Variants in FSTL4 observed in about 807,000 individuals in gnomAD.
FSTL4 encodes the protein follistatin-related protein 4.
FSTL4 carries 28 observed loss-of-function variants against 78.2 expected under a neutral mutation model. The ratio of observed to expected loss-of-function variants is 0.36; its 90% CI spans 0.27 to 0.49. FSTL4 has a LOEUF of 0.49. Ranked by LOEUF, FSTL4 falls within the 20% of genes least tolerant of loss-of-function variation. The pLI, the probability that FSTL4 is intolerant of heterozygous loss-of-function variation, is 0.98. For missense variants in FSTL4, 922 were observed against 1,084.9 expected (o/e 0.85, Z 2.11); for synonymous variants, 422 against 440.5 (o/e 0.96, Z 0.53).
At chr5:133,768,281 C>T in the FSTL4 span, among the ~76,000 whole-genome samples, 1 of 152,178 alleles carries the variant, frequency 6.6e-6, no homozygotes, top group Non-Finnish European at 1.5e-5. Flanking sequence ...ATGTCCTGAA[C>T]CTCAAGTGTA....
chr5:133,652,348 A>G, the FSTL4 span, among the ~76,000 whole-genome samples: 33,083 of 152,028 alleles, frequency 0.22, 3,820 homozygotes, highest in Admixed American at 0.29. Flanking sequence ...TTAGCTGAAT[A>G]ACTTCAGATC....
chr5:133,301,506 G>A (rs1044010500), intron 6 of FSTL4, among the ~76,000 whole-genome samples: 2 of 152,132 alleles, frequency 1.3e-5, no homozygotes, highest in African/African-American at 4.8e-5. Context: ...GCCCAGAGAC[G>A]CCACCCAGAT....
At chr5:133,658,212 T>C in the FSTL4 span, among the ~76,000 whole-genome samples, 4 of 152,316 alleles carry the variant, frequency 2.6e-5, no homozygotes, top group East Asian at 5.8e-4. Context: ...TCTATGTTCA[T>C]AGGAAATTGA....
At chr5:133,651,302 T>A in the FSTL4 span, among the ~76,000 whole-genome samples, 4 of 152,200 alleles carry the variant, frequency 2.6e-5, no homozygotes, top group South Asian at 8.3e-4. Context: ...GGGACATCCT[T>A]GCCTTGTTTA....
chr5:133,292,113 C>T (rs1162159064), intron 6 of FSTL4, among the ~76,000 whole-genome samples: 2 of 152,152 alleles, frequency 1.3e-5, no homozygotes, highest in Non-Finnish European at 2.9e-5. Flanking sequence ...AGACCAAGGG[C>T]AGACCCTTGG....
the FSTL4 span, among the ~76,000 whole-genome samples, chr5:133,686,951 G>A: frequency 5.9e-5 from 9 of 152,230 alleles, no homozygotes; most frequent in African/African-American, 1.4e-4. Context: ...GTGGGAAGAA[G>A]CAAAGGCTTA....
intron 3 of FSTL4, among the ~76,000 whole-genome samples, chr5:133,478,083 T>C (rs193292428): frequency 1.3e-5 from 2 of 152,316 alleles, no homozygotes; most frequent in African/African-American, 4.8e-5. Context: ...AGGAGGCAAA[T>C]TATGTTCTTC....
At chr5:133,674,363 G>A in the FSTL4 span, among the ~76,000 whole-genome samples, 1 of 152,250 alleles carries the variant, frequency 6.6e-6, no homozygotes, top group Admixed American at 6.5e-5. Context: ...GGTCACTGCA[G>A]TTCTGGCCTT....
intron 4 of FSTL4, among the ~76,000 whole-genome samples, chr5:133,376,018 C>T (rs533877649): frequency 2.0e-5 from 3 of 152,260 alleles, no homozygotes; most frequent in East Asian, 1.9e-4. Context: ...AGACTCAATG[C>T]GATACAAATC....
chr5:133,579,920 G>C (rs971015202), intron 2 of FSTL4, among the ~76,000 whole-genome samples: 1 of 152,174 alleles, frequency 6.6e-6, no homozygotes. Flanking sequence ...GATTGATCAG[G>C]CTGGAGCCTC....
chr5:133,517,510 C>CACACACAA lies in FSTL4; in HGVS notation c.160+49675_160+49676insTTGTGTGT, dbSNP rs1491432421. Among the ~76,000 whole-genome samples, 357 of 118,480 alleles carry CACACACAA rather than the reference C, an allele frequency of 3.0e-3. 2 individuals are homozygous for CACACACAA. Among genetic ancestry groups the CACACACAA allele is most frequent in the Non-Finnish European group, 4.8e-3 (271 of 56,956 alleles). The allele number at this position is 118,480 out of a possible 152,430, so 77.7% of individuals were successfully genotyped here. On this transcript the variant is annotated intron_variant, in intron 3 of 15. Coordinates refer to ENST00000265342, the MANE Select transcript of FSTL4 (RefSeq NM_015082.2). Reference sequence around the variant, plus strand: ...ACACACACACACACACACACACACACAAACTGAAAGCATAATAATACTAAA... The same window carrying CACACACAA: ...ACACACACACACACACACACACACACACACACAAAAACTGAAAGCATAATAATACTAAA...
At chr5:133,747,162 G>A in the FSTL4 span, among the ~76,000 whole-genome samples, 1 of 152,196 alleles carries the variant, frequency 6.6e-6, no homozygotes, top group African/African-American at 2.4e-5. Flanking sequence ...CTACTTTGGT[G>A]CCTGGGACCT....
chr5:133,675,563 G>A, the FSTL4 span, among the ~76,000 whole-genome samples: 61 of 152,312 alleles, frequency 4.0e-4, no homozygotes, highest in Non-Finnish European at 7.6e-4. Context: ...CTGTGTCAAC[G>A]TTAGTGCTGG....
intron 6 of FSTL4, among the ~76,000 whole-genome samples, chr5:133,296,530 C>T (rs1246536733): frequency 6.6e-6 from 1 of 152,190 alleles, no homozygotes; most frequent in African/African-American, 2.4e-5. Flanking sequence ...CATACCACTC[C>T]TACCATCAGA....
chr5:133,649,929 A>AC, the FSTL4 span, among the ~76,000 whole-genome samples: 1 of 54,672 alleles, frequency 1.8e-5, no homozygotes, highest in Non-Finnish European at 4.3e-5. Flanking sequence ...AATTTATCAC[A>AC]AAAAAAAAAA....
At chr5:133,618,339 A>C in the FSTL4 span, among the ~76,000 whole-genome samples, 1 of 152,232 alleles carries the variant, frequency 6.6e-6, no homozygotes, top group Admixed American at 6.5e-5. Context: ...GGAACCACTG[A>C]AAGGACTCTA....
chr5:133,733,568 A>G, the FSTL4 span, among the ~76,000 whole-genome samples: 8 of 152,370 alleles, frequency 5.3e-5, no homozygotes, highest in Admixed American at 2.0e-4. Flanking sequence ...ATGGTGGGAC[A>G]TTCTGTAAAA....
intron 2 of FSTL4, among the ~76,000 whole-genome samples, chr5:133,591,522 C>T (rs1760625188): frequency 6.6e-6 from 1 of 152,178 alleles, no homozygotes; most frequent in African/African-American, 2.4e-5. Context: ...CAAGAGCCAC[C>T]CAGCGCTGCA....
chr5:133,251,609 C>T (rs539631381), intron 6 of FSTL4, among the ~76,000 whole-genome samples: 5 of 152,186 alleles, frequency 3.3e-5, no homozygotes, highest in African/African-American at 1.2e-4. Flanking sequence ...ATCTAAACCC[C>T]GAACTTTAGT....
Sources: allele counts gnomAD v4.1 joint callset (sites outside exome capture counted in the v4.1 genomes callset), GRCh38; gene constraint gnomAD v4.1.1; transcripts MANE v1.5; gene names NCBI Gene and HGNC (gene_info 2026-07-23, HGNC 2026-07-21).